Variants in CACNA1D observed in about 807,000 individuals in gnomAD.
The protein encoded by CACNA1D is calcium voltage-gated channel subunit alpha1 D, also known as voltage-dependent L-type calcium channel subunit alpha-1D.
A neutral mutation model predicts 257.1 loss-of-function variants in CACNA1D; 55 were observed. The ratio of observed to expected loss-of-function variants is 0.21; its 90% CI spans 0.17 to 0.27. The LOEUF is 0.27. Ranked by LOEUF, CACNA1D falls within the 10% of genes least tolerant of loss-of-function variation. The pLI, the probability that CACNA1D is intolerant of heterozygous loss-of-function variation, is 1.00. For missense variants in CACNA1D, 1,876 were observed against 2,784.0 expected (o/e 0.67, Z 7.34); for synonymous variants, 980 against 1,014.9 (o/e 0.97, Z 0.65).
At chr3:53,509,731 G>T (rs764558664) in intron 3 of CACNA1D, among the ~76,000 whole-genome samples, 1 of 152,104 alleles carries the variant, frequency 6.6e-6, no homozygotes, top group Non-Finnish European at 1.5e-5. Flanking sequence ...TTTGCCTGGG[G>T]ATTCAAAGGG....
Position 53,751,612 on chromosome 3 carries a change from C to T in CACNA1D, c.3517-137C>T. 1.1e-6 allele frequency: 1 copy of T among 877,224 alleles called. No individual in the cohort carries two copies. Among genetic ancestry groups the T allele is most frequent in the Admixed American group, 1.8e-5 (1 of 54,702 alleles). 54.3% of individuals were successfully genotyped at this position (877,224 alleles called of 1,614,324 possible). A position where few individuals can be genotyped will look rare whatever the true frequency, so the allele number is the denominator to read the frequency against. On this transcript the variant is annotated intron_variant, in intron 27 of 47. Transcript: ENST00000350061. This position sits in a 1 kb window ranked among gnomAD's most constrained non-coding sequence, Gnocchi z 4.3. Reference sequence around the variant, plus strand: ...GGTGCCAGCAGCAGGAAGGGGGTCACTCGTAATCATTTTCACCATCGTCCA... The same window carrying T: ...GGTGCCAGCAGCAGGAAGGGGGTCATTCGTAATCATTTTCACCATCGTCCA...
At chr3:53,637,524 C>A (rs2093898625) in intron 3 of CACNA1D, among the ~76,000 whole-genome samples, 1 of 152,140 alleles carries the variant, frequency 6.6e-6, no homozygotes, top group African/African-American at 2.4e-5. Context: ...CCAGCCCTTG[C>A]CACCTAACTC....
intron 3 of CACNA1D, among the ~76,000 whole-genome samples, chr3:53,623,049 G>A (rs762624059): frequency 6.6e-6 from 1 of 152,120 alleles, no homozygotes; most frequent in Non-Finnish European, 1.5e-5. Context: ...TCGCCAACAC[G>A]TTTGGCTAAT....
At chr3:53,658,876 T>A (rs1161653966) in intron 4 of CACNA1D, among the ~76,000 whole-genome samples, 1 of 152,208 alleles carries the variant, frequency 6.6e-6, no homozygotes, top group Non-Finnish European at 1.5e-5. Flanking sequence ...TGCTAATTGC[T>A]GTACTGTTAT....
chr3:53,499,850 T>G (rs1439265349), intron 2 of CACNA1D, among the ~76,000 whole-genome samples: 1 of 152,024 alleles, frequency 6.6e-6, no homozygotes, highest in African/African-American at 2.4e-5. Context: ...TAGATTTCAG[T>G]GGGGACCTAC....
rs116408219 is a variant in CACNA1D at position 53,742,460 on chromosome 3, C to T, written c.2812-551C>T. On this transcript the variant is annotated intron_variant, in intron 21 of 47. Coordinates refer to ENST00000350061, the MANE Select transcript of CACNA1D (RefSeq NM_001128840.3). Reference sequence around the variant, plus strand: ...CCTGGCTTCCTAGCCATGCCTGGCACGTGTCATCAGACTTGGAGGAATTGC... The same window carrying T: ...CCTGGCTTCCTAGCCATGCCTGGCATGTGTCATCAGACTTGGAGGAATTGC... 4.1e-3 allele frequency among the ~76,000 whole-genome samples: 619 copies of T among 152,276 alleles called. 6 individuals carry two copies. Among genetic ancestry groups the T allele is most frequent in the African/African-American group, 0.014 (593 of 41,550 alleles).
chr3:53,777,098 G>A (rs2095402070), intron 37 of CACNA1D, 142 bp downstream of exon 37: 1 of 720,848 alleles, frequency 1.4e-6, no homozygotes, highest in Non-Finnish European at 2.5e-6. Context: ...CTACCTCTGG[G>A]GAAATCTCAG....
chr3:53,662,781 A>T (rs1485225633), intron 5 of CACNA1D, among the ~76,000 whole-genome samples: 1 of 152,262 alleles, frequency 6.6e-6, no homozygotes, highest in African/African-American at 2.4e-5. Flanking sequence ...CAACTTTATC[A>T]TCTCATAAAT....
intron 3 of CACNA1D, among the ~76,000 whole-genome samples, chr3:53,622,806 A>G (rs1288893683): frequency 6.6e-6 from 1 of 152,214 alleles, no homozygotes; most frequent in African/African-American, 2.4e-5. Flanking sequence ...AAATTATGAT[A>G]TATTCATACA....
intron 3 of CACNA1D, among the ~76,000 whole-genome samples, chr3:53,537,488 A>C (rs1410582729): frequency 6.6e-6 from 1 of 152,190 alleles, no homozygotes; most frequent in African/African-American, 2.4e-5. Flanking sequence ...TAGATATTTC[A>C]GTATGTATCT....
intron 3 of CACNA1D, among the ~76,000 whole-genome samples, chr3:53,599,230 C>A (rs1395061661): frequency 6.6e-6 from 1 of 152,012 alleles, no homozygotes; most frequent in Non-Finnish European, 1.5e-5. Flanking sequence ...CAGATAAAGG[C>A]AATATGTTTT....
chr3:53,610,946 T>C (rs2093575750), intron 3 of CACNA1D, among the ~76,000 whole-genome samples: 1 of 152,244 alleles, frequency 6.6e-6, no homozygotes, highest in Admixed American at 6.5e-5. Flanking sequence ...GTGAATCCTC[T>C]CAGCTTTTGT....
In CACNA1D at chr3:53,739,173, C is replaced by T. The variant is rs147581734; in HGVS notation, c.2752-1107C>T. Among the ~76,000 whole-genome samples the T allele has an allele frequency of 2.7e-3, 406 of 152,366 alleles. 1 individual carries two copies. Among genetic ancestry groups the T allele is most frequent in the African/African-American group, 9.6e-3 (401 of 41,586 alleles). On this transcript the variant is annotated intron_variant, in intron 20 of 47. Coordinates refer to ENST00000350061, the MANE Select transcript of CACNA1D (RefSeq NM_001128840.3). ...ACCCCTGTGACTCTTCGCTGGCATA[C>T]GCCAGGCCTACTCCTTGCTCTGCAG...
chr3:53,640,886 A>G (rs2093942650), intron 3 of CACNA1D, among the ~76,000 whole-genome samples: 1 of 152,138 alleles, frequency 6.6e-6, no homozygotes, highest in African/African-American at 2.4e-5. Context: ...TGGGGGTTAG[A>G]AGCAGCAGGC....
chr3:53,771,374 A>G (rs898347131), intron 32 of CACNA1D, among the ~76,000 whole-genome samples: 2 of 152,252 alleles, frequency 1.3e-5, no homozygotes, highest in Non-Finnish European at 2.9e-5. Flanking sequence ...CCAAAGGTAT[A>G]TAAAGAGAAA....
At chr3:53,627,457 T>C (rs1244844804) in intron 3 of CACNA1D, among the ~76,000 whole-genome samples, 2 of 152,114 alleles carry the variant, frequency 1.3e-5, no homozygotes, top group Admixed American at 6.5e-5. Context: ...AGTTTATCCA[T>C]CTTGCAAACG....
chr3:53,786,718 C>G (rs557182598), intron 39 of CACNA1D, 104 bp from the exon 40 acceptor site: 1 of 496,234 alleles, frequency 2.0e-6, no homozygotes, highest in Non-Finnish European at 4.0e-6. Flanking sequence ...GGACCGCCCA[C>G]CCGCCCCACT....
intron 46 of CACNA1D, chr3:53,809,116 C>G (rs1383155959): frequency 1.3e-5 from 4 of 309,040 alleles, no homozygotes; most frequent in South Asian, 1.2e-4. Flanking sequence ...TTGGCTGATT[C>G]TGAACAAGCG....
intron 9 of CACNA1D, among the ~76,000 whole-genome samples, chr3:53,711,910 C>A (rs2108643566): frequency 6.6e-6 from 1 of 152,276 alleles, no homozygotes; most frequent in South Asian, 2.1e-4. Flanking sequence ...GTTGGGGCTG[C>A]CTTTTTTATC....
Sources: gnomAD v4.1 joint callset for allele counts (sites outside exome capture counted in the v4.1 genomes callset) on GRCh38, gnomAD v4.1.1 for gene constraint, Gnocchi (gnomAD v3.1) non-coding constraint, MANE v1.5 for transcripts, NCBI Gene and HGNC (gene_info 2026-07-23, HGNC 2026-07-21) for gene names.